NDUFS4: variants seen among roughly 807,000 people sequenced by gnomAD.
The protein encoded by NDUFS4 is NADH:ubiquinone oxidoreductase subunit S4.
A neutral mutation model predicts 24.3 loss-of-function variants in NDUFS4; 28 were observed. The observed-to-expected ratio is 1.15, with a 90% CI of 0.85 to 1.58. NDUFS4 has a LOEUF of 1.58. Among genes scored for constraint, NDUFS4 ranks in the 40% most tolerant of loss-of-function variants. The pLI, the probability that NDUFS4 is intolerant of heterozygous loss-of-function variation, is 0.00. For missense variants in NDUFS4, 223 were observed against 207.9 expected (o/e 1.07, Z -0.45); for synonymous variants, 93 against 69.7 (o/e 1.34, Z -1.67).
chr5:53,634,046 T>C (rs926799773), intron 2 of NDUFS4, among the ~76,000 whole-genome samples: 1 of 152,210 alleles, frequency 6.6e-6, no homozygotes, highest in African/African-American at 2.4e-5. Flanking sequence ...ATATAATGTT[T>C]AAGGTTTGTG....
chr5:53,622,579 C>G, intron 2 of NDUFS4, among the ~76,000 whole-genome samples: 1 of 152,102 alleles, frequency 6.6e-6, no homozygotes, highest in East Asian at 1.9e-4. Flanking sequence ...TTTCTAAATA[C>G]CATCACATTT....
chr5:53,664,257 G>A (rs765886807), intron 4 of NDUFS4, among the ~76,000 whole-genome samples: 3 of 152,188 alleles, frequency 2.0e-5, no homozygotes, highest in East Asian at 1.9e-4. Flanking sequence ...TCTTGCTGCC[G>A]TTAACATCTT....
chr5:53,600,021 G>A (rs992070926), intron 1 of NDUFS4, among the ~76,000 whole-genome samples: 5 of 151,706 alleles, frequency 3.3e-5, no homozygotes, highest in African/African-American at 9.7e-5. Context: ...TTTTTGAGAC[G>A]GAGTTTCATT....
intron 1 of NDUFS4, among the ~76,000 whole-genome samples, chr5:53,575,012 T>C (rs1749337670): frequency 6.6e-6 from 1 of 152,160 alleles, no homozygotes; most frequent in East Asian, 1.9e-4. Context: ...GATTTTTGGC[T>C]CCCGCACATT....
chr5:53,580,694 TTTCC>T (rs1363982307), intron 1 of NDUFS4, among the ~76,000 whole-genome samples: 4 of 144,432 alleles, frequency 2.8e-5, no homozygotes, highest in African/African-American at 7.9e-5. Flanking sequence ...TCGTCCTTCC[TTTCC>T]TTTCCTTTCC....
At chr5:53,580,029 T>A (rs372006) in intron 1 of NDUFS4, among the ~76,000 whole-genome samples, 119,564 of 152,074 alleles carry the variant, frequency 0.79, 47,137 homozygotes, top group Middle Eastern at 0.86. Context: ...GACTTCTAGA[T>A]CTATAAGAGA....
At chr5:53,583,566 T>C (rs956497814) in intron 1 of NDUFS4, among the ~76,000 whole-genome samples, 3 of 152,232 alleles carry the variant, frequency 2.0e-5, no homozygotes, top group Non-Finnish European at 4.4e-5. Flanking sequence ...TAGAAGATTA[T>C]ACATTCTGTT....
chr5:53,673,407 A>G (rs1740348673), intron 4 of NDUFS4, among the ~76,000 whole-genome samples: 1 of 152,134 alleles, frequency 6.6e-6, no homozygotes, highest in Admixed American at 6.6e-5. Context: ...TTTTACATTT[A>G]GGATTCAGTT....
intron 2 of NDUFS4, among the ~76,000 whole-genome samples, chr5:53,624,337 C>T (rs375316819): frequency 9.3e-4 from 142 of 152,214 alleles, no homozygotes; most frequent in African/African-American, 3.1e-3. Context: ...AAAGATTTCA[C>T]GTGAATTTTA....
At chr5:53,650,452 G>A (rs1751984201) in intron 3 of NDUFS4, among the ~76,000 whole-genome samples, 1 of 152,170 alleles carries the variant, frequency 6.6e-6, no homozygotes, top group Non-Finnish European at 1.5e-5. Context: ...GTATTTTTGG[G>A]CTTAGTTTTG....
intron 2 of NDUFS4, among the ~76,000 whole-genome samples, chr5:53,632,895 T>G (rs567233215): frequency 6.6e-6 from 1 of 152,308 alleles, no homozygotes; most frequent in East Asian, 1.9e-4. Context: ...TTAATGAATC[T>G]TTACTTTTTA....
In NDUFS4 at chr5:53,577,327, G is replaced by A. The variant is rs79718867; in HGVS notation, c.98+16567G>A. On this transcript the variant is annotated intron_variant, in intron 1 of 4. Transcript: ENST00000296684. The stretch of plus-strand genomic sequence containing the variant: ...CTTGTGCTTCTGAAGATGTTGAGGC[G>A]TAATGGGCTCACTTGAGGTGGGATG... 8.2e-3 allele frequency among the ~76,000 whole-genome samples: 1,249 copies of A among 152,196 alleles called. 53 individuals are homozygous for A. Among genetic ancestry groups the A allele is most frequent in the Admixed American group, 0.056 (856 of 15,266 alleles).
At chr5:53,634,756 G>T (rs1751500709) in intron 2 of NDUFS4, among the ~76,000 whole-genome samples, 1 of 151,804 alleles carries the variant, frequency 6.6e-6, no homozygotes, top group African/African-American at 2.4e-5. Context: ...ATCTGGTTTA[G>T]ACTGGTTCTT....
chr5:53,601,091 G>A (rs1020008088), intron 1 of NDUFS4, among the ~76,000 whole-genome samples: 26 of 147,838 alleles, frequency 1.8e-4, no homozygotes, highest in African/African-American at 5.3e-4. Flanking sequence ...TGCAAGCTCC[G>A]CCTCCCAGGT....
chr5:53,614,071 C>T (rs964969246), intron 2 of NDUFS4, among the ~76,000 whole-genome samples: 1 of 151,828 alleles, frequency 6.6e-6, no homozygotes, highest in Non-Finnish European at 1.5e-5. Context: ...AAAACATGCT[C>T]TTAAATAGTT....
chr5:53,631,923 C>T (rs2112491080), intron 2 of NDUFS4, among the ~76,000 whole-genome samples: 1 of 152,310 alleles, frequency 6.6e-6, no homozygotes, highest in East Asian at 1.9e-4. Context: ...TACCATTCCT[C>T]CAGGTACAGT....
chr5:53,670,669 A>G (rs938253445), intron 4 of NDUFS4, among the ~76,000 whole-genome samples: 4 of 151,040 alleles, frequency 2.6e-5, no homozygotes, highest in Admixed American at 6.6e-5. Flanking sequence ...AATAATTCCT[A>G]TAGTAAATAT....
chr5:53,647,974 A>G (rs1001260042), intron 3 of NDUFS4, among the ~76,000 whole-genome samples: 2 of 152,248 alleles, frequency 1.3e-5, no homozygotes, highest in Non-Finnish European at 2.9e-5. Context: ...CAAACAATAC[A>G]AATTCAATTA....
intron 1 of NDUFS4, among the ~76,000 whole-genome samples, chr5:53,592,431 A>G (rs1043349618): frequency 2.0e-5 from 3 of 152,084 alleles, no homozygotes; most frequent in Non-Finnish European, 4.4e-5. Context: ...TTTTTCATGG[A>G]TCATTTTTTT....
Sources: gnomAD v4.1 joint callset for allele counts (sites outside exome capture counted in the v4.1 genomes callset) on GRCh38, gnomAD v4.1.1 for gene constraint, MANE v1.5 for transcripts, NCBI Gene and HGNC (gene_info 2026-07-23, HGNC 2026-07-21) for gene names.